The following DNAAF9 variants were observed in gnomAD, a reference collection of about 807,000 sequenced individuals.
The protein encoded by DNAAF9 is shulin.
DNAAF9 carries 90 observed loss-of-function variants against 167.0 expected under a neutral mutation model. That is an observed-to-expected ratio of 0.54 (90% CI 0.45 to 0.64). The LOEUF is 0.64. Ranked by LOEUF, DNAAF9 falls within the 30% of genes least tolerant of loss-of-function variation. The probability of loss-of-function intolerance (pLI) is 0.00; values close to 1 mark genes in which losing one functional copy is unlikely to be tolerated. For missense variants in DNAAF9, 1,315 were observed against 1,442.2 expected (o/e 0.91, Z 1.43); for synonymous variants, 491 against 508.8 (o/e 0.96, Z 0.47).
intron 29 of DNAAF9, among the ~76,000 whole-genome samples, chr20:3,277,345 C>T (rs1029057603): frequency 6.6e-6 from 1 of 152,188 alleles, no homozygotes; most frequent in Non-Finnish European, 1.5e-5. Context: ...CTCTTCCCTG[C>T]TTCTCTTTCG....
At chr20:3,374,382 A>ATT (rs2083548599) in intron 5 of DNAAF9, among the ~76,000 whole-genome samples, 1 of 152,250 alleles carries the variant, frequency 6.6e-6, no homozygotes, top group African/African-American at 2.4e-5. Context: ...ATTTCTTTAC[A>ATT]GTATATTGTA....
chr20:3,396,277 A>G (rs2083905760), intron 1 of DNAAF9, among the ~76,000 whole-genome samples: 1 of 152,200 alleles, frequency 6.6e-6, no homozygotes, highest in Non-Finnish European at 1.5e-5. Flanking sequence ...AGTTTTGTCT[A>G]TTGTCTTAAG....
At chr20:3,367,148 C>A (rs1266008826) in intron 6 of DNAAF9, among the ~76,000 whole-genome samples, 3 of 152,172 alleles carry the variant, frequency 2.0e-5, no homozygotes, top group Non-Finnish European at 4.4e-5. Context: ...CAGCTTCTTT[C>A]CTTAAACCTC....
At chr20:3,389,831 T>G (rs1238422444) in intron 1 of DNAAF9, among the ~76,000 whole-genome samples, 1 of 151,790 alleles carries the variant, frequency 6.6e-6, no homozygotes, top group Admixed American at 6.6e-5. Context: ...AGGTCAGGAG[T>G]TCGTAACCAG....
intron 17 of DNAAF9, among the ~76,000 whole-genome samples, chr20:3,317,360 CAAA>C (rs756394932): frequency 0.061 from 6,021 of 99,414 alleles, 178 homozygotes; most frequent in African/African-American, 0.13. Context: ...GACCTTGTCT[CAAA>C]AAAAAAAAAA....
In DNAAF9 at chr20:3,250,077, G is replaced by C. The variant is rs1043805204; in HGVS notation, c.*2495C>G. 2 of 152,210 alleles carry C rather than the reference G, an allele frequency of 1.3e-5. No individual in the cohort carries two copies. Among genetic ancestry groups the C allele is most frequent in the African/African-American group, 2.4e-5 (1 of 41,454 alleles). 9.4% of individuals were successfully genotyped at this position (152,210 alleles called of 1,614,324 possible). A position where few individuals can be genotyped will look rare whatever the true frequency, so the allele number is the denominator to read the frequency against. On this transcript the variant is annotated 3_prime_UTR_variant, in exon 37 of 37. Coordinates refer to ENST00000252032, the MANE Select transcript of DNAAF9 (RefSeq NM_001009984.3). ...GTGATATAAACTGAAGCTGCTAATA[G>C]GAAAGTTAGCAAAAAGCATGTAAGC...
chr20:3,297,030 T>A (rs2069093199), intron 22 of DNAAF9, 81 bp from the exon 23 acceptor site: 6 of 799,392 alleles, frequency 7.5e-6, no homozygotes, highest in Non-Finnish European at 1.1e-5. Flanking sequence ...TTGATGGTTG[T>A]TGAAAATCTA....
At chr20:3,294,464 A>G in intron 24 of DNAAF9, 64 bp downstream of exon 24, 4 of 1,144,686 alleles carry the variant, frequency 3.5e-6, no homozygotes, top group Non-Finnish European at 5.3e-6. Context: ...AAGGACCAAC[A>G]CTGAGGTTTC....
chr20:3,355,111 T>TA (rs2083266540), intron 7 of DNAAF9, among the ~76,000 whole-genome samples: 1 of 152,238 alleles, frequency 6.6e-6, no homozygotes, highest in African/African-American at 2.4e-5. Flanking sequence ...AAATTACCTG[T>TA]CTCTCTTCTT....
intron 10 of DNAAF9, 80 bp from the exon 11 acceptor site, chr20:3,332,441 C>T (rs1031644911): frequency 1.0e-5 from 7 of 695,504 alleles, no homozygotes; most frequent in South Asian, 1.7e-5. Flanking sequence ...AGTATAGAGT[C>T]AATGGAAATA....
chr20:3,356,544 C>A (rs1364468214), intron 7 of DNAAF9, among the ~76,000 whole-genome samples: 1 of 152,174 alleles, frequency 6.6e-6, no homozygotes, highest in East Asian at 1.9e-4. Flanking sequence ...TGACTCTTAA[C>A]TTCCTTGTAC....
chr20:3,381,622 G>T (rs2083655654), intron 2 of DNAAF9, 124 bp from the exon 3 acceptor site: 1 of 915,996 alleles, frequency 1.1e-6, no homozygotes, highest in Non-Finnish European at 1.6e-6. Context: ...GACCAGTTTT[G>T]TGCCAGAAAC....
rs562556430 is a variant in DNAAF9 at position 3,251,681 on chromosome 20, T to C, written c.*891A>G. 1 of 152,460 alleles carries C rather than the reference T, an allele frequency of 6.6e-6. No homozygotes were observed. Among genetic ancestry groups the C allele is most frequent in the South Asian group, 2.1e-4 (1 of 4,836 alleles). The allele number at this position is 152,460 out of a possible 1,614,324, so 9.4% of individuals were successfully genotyped here. On this transcript the variant is annotated 3_prime_UTR_variant, in exon 37 of 37. Transcript: ENST00000252032. ...AAAAGCAGGCCTTCCTTGGCAAGGC[T>C]TGTGGGAGCGCTGGGTGCTGGAGAC...
chr20:3,394,814 A>C (rs967951958), intron 1 of DNAAF9, among the ~76,000 whole-genome samples: 2 of 152,206 alleles, frequency 1.3e-5, no homozygotes, highest in African/African-American at 2.4e-5. Context: ...CGCTTAAAAA[A>C]ATAATCAGAG....
chr20:3,378,243 A>C (rs568357941), intron 3 of DNAAF9, among the ~76,000 whole-genome samples: 1 of 152,202 alleles, frequency 6.6e-6, no homozygotes, highest in Non-Finnish European at 1.5e-5. Flanking sequence ...TCCCTCAGAC[A>C]TCAGTGTCTA....
At chr20:3,346,349 G>A (rs908921784) in intron 8 of DNAAF9, among the ~76,000 whole-genome samples, 4 of 152,072 alleles carry the variant, frequency 2.6e-5, no homozygotes, top group African/African-American at 4.8e-5. Flanking sequence ...ATACATAAGC[G>A]CTGAGTTATT....
intron 29 of DNAAF9, among the ~76,000 whole-genome samples, chr20:3,272,678 A>G (rs1041509020): frequency 2.0e-5 from 3 of 152,230 alleles, no homozygotes; most frequent in African/African-American, 7.2e-5. Flanking sequence ...AATTTTTTGT[A>G]AAATATAATT....
intron 20 of DNAAF9, among the ~76,000 whole-genome samples, chr20:3,309,830 A>G (rs988675322): frequency 2.0e-5 from 3 of 152,244 alleles, no homozygotes; most frequent in African/African-American, 7.2e-5. Context: ...TAAAATAAAA[A>G]GACAAGCCAC....
At chr20:3,400,161 A>C (rs768243967) in intron 1 of DNAAF9, among the ~76,000 whole-genome samples, 27 of 152,162 alleles carry the variant, frequency 1.8e-4, no homozygotes, top group Non-Finnish European at 3.2e-4. Context: ...GTTCTTTGTA[A>C]AGTCAGTTTC....
Sources: allele counts gnomAD v4.1 joint callset (sites outside exome capture counted in the v4.1 genomes callset), GRCh38; gene constraint gnomAD v4.1.1; transcripts MANE v1.5; gene names NCBI Gene and HGNC (gene_info 2026-07-23, HGNC 2026-07-21).